The following ARHGAP39 variants were observed in gnomAD, a reference collection of about 807,000 sequenced individuals.
ARHGAP39 encodes the protein rho GTPase-activating protein 39.
In ARHGAP39, 44 loss-of-function variants were observed where a neutral mutation model predicts 106.9. That is an observed-to-expected ratio of 0.41 (90% CI 0.32 to 0.53). ARHGAP39 has a LOEUF of 0.53. Ranked by LOEUF, ARHGAP39 falls within the 20% of genes least tolerant of loss-of-function variation. The pLI is 0.21. For synonymous variants in ARHGAP39, 768 were observed against 693.2 expected (o/e 1.11, Z -1.69); for missense variants, 1,496 against 1,577.3 (o/e 0.95, Z 0.87).
chr8:144,673,222 A>G (rs2129732848), intron 1 of ARHGAP39, among the ~76,000 whole-genome samples: 1 of 152,060 alleles, frequency 6.6e-6, no homozygotes, highest in African/African-American at 2.4e-5. Flanking sequence ...GTCTCAAAAA[A>G]AAAAAGAGGA....
At chr8:144,661,101 C>T (rs1428002711) in intron 1 of ARHGAP39, among the ~76,000 whole-genome samples, 6 of 152,298 alleles carry the variant, frequency 3.9e-5, no homozygotes, top group South Asian at 2.1e-4. Context: ...TGGCTGCAGA[C>T]GGCCCTCTCA....
chr8:144,530,996 G>T, intron 10 of ARHGAP39, 125 bp from the exon 11 acceptor site: 1 of 1,267,838 alleles, frequency 7.9e-7, no homozygotes, highest in Non-Finnish European at 1.1e-6. Context: ...GGCTCATTCT[G>T]GACAGGGCCC....
rs150615107 is a variant in ARHGAP39 at position 144,662,778 on chromosome 8, GT to G, written c.-82+22907del. On this transcript the variant is annotated intron_variant, in intron 1 of 11. Transcript: ENST00000377307. ...TCCTCCCCATTATCCACCTTGGACT[GT>G]TTCCCCCTCCCCCTTATCCACCTTG... Among the ~76,000 whole-genome samples, 369 of 118,196 alleles carry G rather than the reference GT, an allele frequency of 3.1e-3. 2 individuals are homozygous for G. The highest frequency in any genetic ancestry group is 0.023 in the Middle Eastern group (3 of 132). The allele number at this position is 118,196 out of a possible 152,430, so 77.5% of individuals were successfully genotyped here.
intron 6 of ARHGAP39, among the ~76,000 whole-genome samples, chr8:144,538,276 G>C (rs558743311): frequency 6.6e-6 from 1 of 152,362 alleles, no homozygotes; most frequent in East Asian, 1.9e-4. Context: ...CCCTCAGGCT[G>C]ATCTGGGTCT....
rs967160353 is a variant in ARHGAP39, at chr8:144,548,829, C to T, written c.597-340G>A. On this transcript the variant is annotated intron_variant, in intron 4 of 11. Transcript: ENST00000377307. This position sits in a 1 kb window ranked among gnomAD's most constrained non-coding sequence, Gnocchi z 7.4. The stretch of plus-strand genomic sequence containing the variant: ...GCGGGTGTCTCCAGAGCTGCCTGAG[C>T]CGCCGGGCAGGCTCCTGGGCCCTGT... Among the ~76,000 whole-genome samples, 2 of 152,182 alleles carry T rather than the reference C, an allele frequency of 1.3e-5. No individual in the cohort carries two copies. Among genetic ancestry groups the T allele is most frequent in the Non-Finnish European group, 2.9e-5 (2 of 68,024 alleles).
intron 1 of ARHGAP39, among the ~76,000 whole-genome samples, chr8:144,666,219 C>T (rs540049863): frequency 6.6e-6 from 1 of 152,124 alleles, no homozygotes. Flanking sequence ...AAACCTGTAC[C>T]CCCATTGTAT....
rs372296531 is a variant in ARHGAP39 at position 144,530,341 on chromosome 8, G to A, written c.*81C>T. ...TCCAGGGCTGGGCCGGGCGATTCTG[G>A]CCCCTCTGCCGGGAGAGCGAGTGCG... is the stretch of plus-strand genomic sequence containing the variant. On this transcript the variant is annotated 3_prime_UTR_variant, in exon 12 of 12. Coordinates refer to ENST00000377307, the MANE Select transcript of ARHGAP39 (RefSeq NM_025251.3). 6.9e-7 allele frequency: 1 copy of A among 1,446,294 alleles called. No homozygotes were observed. Among genetic ancestry groups the A allele is most frequent in the African/African-American group, 1.4e-5 (1 of 71,324 alleles). 89.6% of individuals were successfully genotyped at this position (1,446,294 alleles called of 1,614,324 possible).
intron 3 of ARHGAP39, among the ~76,000 whole-genome samples, chr8:144,559,689 G>A (rs879597096): frequency 4.9e-4 from 74 of 152,266 alleles, no homozygotes; most frequent in African/African-American, 1.6e-3. Context: ...GCTTGGGATC[G>A]GAAGAGTTTT....
At chr8:144,600,728 G>A (rs1323665476) in intron 2 of ARHGAP39, among the ~76,000 whole-genome samples, 2 of 146,318 alleles carry the variant, frequency 1.4e-5, no homozygotes, top group Non-Finnish European at 3.0e-5. Context: ...ACCTGAGTGT[G>A]CGTGTTCAAG....
intron 2 of ARHGAP39, among the ~76,000 whole-genome samples, chr8:144,603,160 T>C (rs1247304829): frequency 2.5e-4 from 34 of 137,600 alleles, no homozygotes; most frequent in Non-Finnish European, 4.5e-4. Context: ...TGCGTGGAGG[T>C]GTGTGTGCGA....
chr8:144,693,499 T>G, the ARHGAP39 span, among the ~76,000 whole-genome samples: 1 of 152,048 alleles, frequency 6.6e-6, no homozygotes, highest in Non-Finnish European at 1.5e-5. Flanking sequence ...TCAGCCTCCC[T>G]AGTAGCTGGG....
chr8:144,605,867 C>A (rs537002118), intron 1 of ARHGAP39, 172 bp from the exon 2 acceptor site: 2 of 540,476 alleles, frequency 3.7e-6, no homozygotes, highest in Admixed American at 3.2e-5. Context: ...GATGCCTGGC[C>A]CTGCGTTGCA....
chr8:144,546,562 G>T (rs1298048715), intron 5 of ARHGAP39, among the ~76,000 whole-genome samples: 4 of 152,230 alleles, frequency 2.6e-5, no homozygotes, highest in Non-Finnish European at 5.9e-5. Context: ...GGATGGAGAT[G>T]CTGGACAGAG....
intron 1 of ARHGAP39, among the ~76,000 whole-genome samples, chr8:144,636,615 T>C (rs1484614161): frequency 6.6e-6 from 1 of 152,216 alleles, no homozygotes; most frequent in Non-Finnish European, 1.5e-5. Flanking sequence ...CATTTTCACT[T>C]CTGCAGGATA....
At position 144,545,433 on chromosome 8, in the gene ARHGAP39, G is replaced by A. The variant is rs1445684165; in HGVS notation, c.2337C>T (p.Gly779=). 1.9e-6 allele frequency: 3 copies of A among 1,591,434 alleles called. No homozygotes were observed. The highest frequency in any genetic ancestry group is 1.7e-5 in the Admixed American group (1 of 59,402). The change falls in exon 6 of 12, where the codon GGC becomes GGT. Residue 779 remains glycine, a synonymous_variant. Coordinates refer to ENST00000377307, the MANE Select transcript of ARHGAP39 (RefSeq NM_025251.3). ...EVATKGWSVQ[G]LRDELYIQLC... is the part of the protein sequence containing the mutation. Reference sequence around the variant, plus strand: ...GCTGGATGTAGAGCTCGTCCCGCAGGCCCTGCACGCTCCAGCCCTTGGTGG... The same window carrying A: ...GCTGGATGTAGAGCTCGTCCCGCAGACCCTGCACGCTCCAGCCCTTGGTGG...
intron 1 of ARHGAP39, among the ~76,000 whole-genome samples, chr8:144,657,715 T>A (rs1222298439): frequency 6.6e-6 from 1 of 152,182 alleles, no homozygotes; most frequent in Non-Finnish European, 1.5e-5. Flanking sequence ...TAATTCACCA[T>A]ATTAACAGAC....
At chr8:144,582,741 C>T (rs1026750792) in intron 2 of ARHGAP39, among the ~76,000 whole-genome samples, 1 of 152,082 alleles carries the variant, frequency 6.6e-6, no homozygotes, top group Non-Finnish European at 1.5e-5. Flanking sequence ...CAGTGGTGCA[C>T]TCAGAAGTCC....
At chr8:144,542,612 T>C (rs1371951103) in intron 6 of ARHGAP39, among the ~76,000 whole-genome samples, 2 of 152,016 alleles carry the variant, frequency 1.3e-5, no homozygotes, top group Non-Finnish European at 2.9e-5. Flanking sequence ...TTTTCTTTCT[T>C]TCTTTTTCCT....
chr8:144,545,240 T>C lies in ARHGAP39; in HGVS notation c.2521+9A>G. 2.0e-6 allele frequency: 3 copies of C among 1,508,484 alleles called. No individual in the cohort carries two copies. Among genetic ancestry groups the C allele is most frequent in the Non-Finnish European group, 1.8e-6 (2 of 1,120,736 alleles). The allele number at this position is 1,508,484 out of a possible 1,614,324, so 93.4% of individuals were successfully genotyped here. A position where few individuals can be genotyped will look rare whatever the true frequency, so the allele number is the denominator to read the frequency against. ...CTGAGCTGGTGGCAAAGCCCGTGCA[T>C]GGCCTTACCTTTAGTGTCATTGACG... On this transcript the variant is annotated intron_variant, in intron 6 of 11. Transcript: ENST00000377307.
Sources: gnomAD v4.1 joint callset for allele counts (sites outside exome capture counted in the v4.1 genomes callset) on GRCh38, gnomAD v4.1.1 for gene constraint, Gnocchi (gnomAD v3.1) non-coding constraint, MANE v1.5 for transcripts, NCBI Gene and HGNC (gene_info 2026-07-23, HGNC 2026-07-21) for gene names.